The following GPC6 variants were observed in gnomAD, a reference collection of about 807,000 sequenced individuals.
GPC6 encodes glypican 6.
GPC6 carries 14 observed loss-of-function variants against 55.2 expected under a neutral mutation model. The observed-to-expected ratio is 0.25, with a 90% CI of 0.17 to 0.40. The LOEUF (loss-of-function observed/expected upper bound fraction) is 0.40, where lower values mean the gene tolerates loss of function less well. Among genes scored for constraint, GPC6 ranks in the 10% least tolerant of loss-of-function variants. The pLI is 1.00. For missense variants in GPC6, 641 were observed against 708.5 expected, an observed-to-expected ratio of 0.90 and a Z score of 1.08; for synonymous variants, 278 against 259.6, an observed-to-expected ratio of 1.07 and a Z score of -0.68.
intron 6 of GPC6, among the ~76,000 whole-genome samples, chr13:94,317,404 A>G (rs1876593135): frequency 6.6e-6 from 1 of 152,214 alleles, no homozygotes; most frequent in Non-Finnish European, 1.5e-5. Flanking sequence ...GCTAGAACAA[A>G]AGGGTAAACA....
intron 3 of GPC6, among the ~76,000 whole-genome samples, chr13:93,888,873 G>T (rs1329603501): frequency 2.0e-5 from 3 of 152,020 alleles, no homozygotes; most frequent in Non-Finnish European, 4.4e-5. Context: ...CTAAATCTTA[G>T]GAACTATGCT....
intron 1 of GPC6, among the ~76,000 whole-genome samples, chr13:93,515,366 T>C (rs759318738): frequency 4.2e-4 from 64 of 152,304 alleles, no homozygotes; most frequent in Admixed American, 2.4e-3. Flanking sequence ...CATTTATTTG[T>C]TTTTATAGCT....
chr13:93,513,723 T>C (rs1328562800), intron 1 of GPC6, among the ~76,000 whole-genome samples: 1 of 152,190 alleles, frequency 6.6e-6, no homozygotes, highest in Non-Finnish European at 1.5e-5. Context: ...GCCAGACTTG[T>C]CTGACTAAAC....
In GPC6 at chr13:93,883,762, G is replaced by T. The variant is rs1226942663; in HGVS notation, c.711+53217G>T. Among the ~76,000 whole-genome samples the T allele has an allele frequency of 2.6e-5, 4 of 152,068 alleles. No homozygotes were observed. The South Asian group carries it at 8.3e-4, about 32-fold the overall frequency. ...TTGCCAAATACTTTTTGACTGCCAG[G>T]TGACTGTGGCTTAGATTCATTGTTT... On this transcript the variant is annotated intron_variant, in intron 3 of 8. Transcript: ENST00000377047.
At chr13:94,000,787 G>C (rs1881761827) in intron 3 of GPC6, among the ~76,000 whole-genome samples, 2 of 152,146 alleles carry the variant, frequency 1.3e-5, no homozygotes, top group Admixed American at 6.6e-5. Context: ...TTTTACAAAG[G>C]ATCATTTGGC....
rs572579602 is a variant in GPC6, at chr13:94,355,233, G to A, written c.1153-27181G>A. Among the ~76,000 whole-genome samples the A allele has an allele frequency of 2.6e-5, 4 of 152,178 alleles. No individual in the cohort carries two copies. In the South Asian group the frequency reaches 8.3e-4, roughly 32 times the overall value. ...GAGACAGGGTTTCACCATTTGGTCA[G>A]GCTGGTCTCAAACTCCTGACCTCAA... On this transcript the variant is annotated intron_variant, in intron 6 of 8. Coordinates refer to ENST00000377047, the MANE Select transcript of GPC6 (RefSeq NM_005708.5).
chr13:93,941,757 A>G (rs1329697546), intron 3 of GPC6, among the ~76,000 whole-genome samples: 1 of 152,190 alleles, frequency 6.6e-6, no homozygotes, highest in Non-Finnish European at 1.5e-5. Context: ...CAAAATAGAC[A>G]CTTATATAGA....
intron 2 of GPC6, among the ~76,000 whole-genome samples, chr13:93,557,860 A>G (rs942117273): frequency 1.1e-4 from 16 of 152,146 alleles, no homozygotes; most frequent in African/African-American, 3.6e-4. Context: ...TTTTTCTTCC[A>G]ATGGCTGAGA....
intron 2 of GPC6, among the ~76,000 whole-genome samples, chr13:93,673,337 C>T (rs1881444843): frequency 6.6e-6 from 1 of 152,086 alleles, no homozygotes; most frequent in African/African-American, 2.4e-5. Flanking sequence ...AATTTTTAAA[C>T]TTGAAATCAC....
At chr13:94,136,208 AT>A (rs1887178721) in intron 4 of GPC6, among the ~76,000 whole-genome samples, 1 of 127,242 alleles carries the variant, frequency 7.9e-6, no homozygotes. Flanking sequence ...TTTTTTCTTC[AT>A]TTCACTTCAC....
intron 3 of GPC6, among the ~76,000 whole-genome samples, chr13:93,953,415 C>G (rs1454685955): frequency 6.6e-6 from 1 of 152,128 alleles, no homozygotes; most frequent in Non-Finnish European, 1.5e-5. Context: ...CCACTTATTT[C>G]ATTTTTATTC....
chr13:93,403,367 G>T lies in GPC6; in HGVS notation c.161-141896G>T, dbSNP rs371988404. Among the ~76,000 whole-genome samples the T allele has an allele frequency of 2.1e-3, 323 of 152,226 alleles. 3 individuals carry two copies. Among genetic ancestry groups the T allele is most frequent in the African/African-American group, 7.5e-3 (310 of 41,564 alleles). On this transcript the variant is annotated intron_variant, in intron 1 of 8. Transcript: ENST00000377047. ...TTCTTTTAGTAAAAGTTCAAGAGCG[G>T]TTTTGTGAGGCTTCCTGAAGCTATT... is the stretch of plus-strand genomic sequence containing the variant.
chr13:94,017,835 A>T (rs915890119), intron 3 of GPC6, among the ~76,000 whole-genome samples: 1 of 151,674 alleles, frequency 6.6e-6, no homozygotes, highest in African/African-American at 2.4e-5. Context: ...CCACCACGAC[A>T]CCCAGCAAAT....
chr13:93,610,755 A>G (rs1025614457), intron 2 of GPC6, among the ~76,000 whole-genome samples: 1 of 152,100 alleles, frequency 6.6e-6, no homozygotes, highest in African/African-American at 2.4e-5. Flanking sequence ...TACCTTGGCT[A>G]TGGATAATGC....
In GPC6 at chr13:94,175,915, A is replaced by G. The variant is rs1888733801; in HGVS notation, c.878-110434A>G. Among the ~76,000 whole-genome samples, 4 of 146,188 alleles carry G rather than the reference A, an allele frequency of 2.7e-5. No individual in the cohort carries two copies. In the South Asian group the frequency reaches 6.4e-4, roughly 23 times the overall value. ...TATATACATATATATATATTTTCCC[A>G]AAAGGGAGTATCCAAATGAGCCATA... On this transcript the variant is annotated intron_variant, in intron 4 of 8. Coordinates refer to ENST00000377047, the MANE Select transcript of GPC6 (RefSeq NM_005708.5).
intron 1 of GPC6, among the ~76,000 whole-genome samples, chr13:93,484,942 TA>T (rs1489185630): frequency 6.6e-6 from 1 of 152,144 alleles, no homozygotes; most frequent in African/African-American, 2.4e-5. Context: ...ATAAATACAT[TA>T]AAATATACAT....
At chr13:93,788,714 C>G (rs902472848) in intron 2 of GPC6, among the ~76,000 whole-genome samples, 1 of 152,090 alleles carries the variant, frequency 6.6e-6, no homozygotes, top group Middle Eastern at 3.4e-3. Context: ...AGGCTGAGGG[C>G]ATGGTAAGCA....
intron 1 of GPC6, among the ~76,000 whole-genome samples, chr13:93,352,629 G>A (rs894551981): frequency 2.0e-5 from 3 of 152,134 alleles, no homozygotes; most frequent in Non-Finnish European, 4.4e-5. Flanking sequence ...ACACCATGGG[G>A]ATCAATTTGG....
intron 3 of GPC6, among the ~76,000 whole-genome samples, chr13:93,875,631 T>C (rs1156783286): frequency 1.3e-5 from 2 of 152,192 alleles, no homozygotes; most frequent in Admixed American, 6.6e-5. Flanking sequence ...CCTGGTCTTT[T>C]AGTAAATATC....
Sources: gnomAD v4.1 joint callset for allele counts (sites outside exome capture counted in the v4.1 genomes callset) on GRCh38, gnomAD v4.1.1 for gene constraint, MANE v1.5 for transcripts, NCBI Gene and HGNC (gene_info 2026-07-23, HGNC 2026-07-21) for gene names.